SLC2A13: variants seen among roughly 807,000 people sequenced by gnomAD.
The protein encoded by SLC2A13 is proton myo-inositol cotransporter.
SLC2A13 carries 32 observed loss-of-function variants against 64.4 expected under a neutral mutation model. That is an observed-to-expected ratio of 0.50 (90% CI 0.37 to 0.67). The LOEUF is 0.67. Among genes scored for constraint, SLC2A13 ranks in the 30% least tolerant of loss-of-function variants. The probability of loss-of-function intolerance (pLI) is 0.00; values close to 1 mark genes in which losing one functional copy is unlikely to be tolerated. For synonymous variants in SLC2A13, 338 were observed against 327.1 expected (o/e 1.03, Z -0.36); for missense variants, 743 against 829.2 (o/e 0.90, Z 1.28).
chr12:40,071,186 C>T (rs958939794), intron 1 of SLC2A13, among the ~76,000 whole-genome samples: 1 of 152,158 alleles, frequency 6.6e-6, no homozygotes, highest in African/African-American at 2.4e-5. Context: ...CGTGTCTATT[C>T]TTTCACCACA....
intron 3 of SLC2A13, among the ~76,000 whole-genome samples, chr12:39,988,262 A>G (rs1418032912): frequency 6.6e-6 from 1 of 152,162 alleles, no homozygotes; most frequent in African/African-American, 2.4e-5. Flanking sequence ...AATAATGTGT[A>G]AAAGAGTAAT....
chr12:39,874,823 G>A (rs1592229815), intron 4 of SLC2A13, among the ~76,000 whole-genome samples: 1 of 152,134 alleles, frequency 6.6e-6, no homozygotes, highest in African/African-American at 2.4e-5. Context: ...AGAGCCAAGT[G>A]GGTGAACTGG....
chr12:40,019,808 G>C (rs1342332715), intron 3 of SLC2A13, among the ~76,000 whole-genome samples: 1 of 152,042 alleles, frequency 6.6e-6, no homozygotes, highest in Non-Finnish European at 1.5e-5. Flanking sequence ...AAAAATCCAG[G>C]GGAAAAACTG....
rs1358158430 is a variant in SLC2A13 at position 39,852,943 on chromosome 12, GTATT to G, written c.1319+11815_1319+11818del. Among the ~76,000 whole-genome samples the G allele has an allele frequency of 3.3e-5, 5 of 152,192 alleles. No individual in the cohort carries two copies. In the East Asian group the frequency reaches 9.6e-4, roughly 29 times the overall value. ...ATAGCCAATGGGAAACCTCTAGAGA[GTATT>G]TAAACCCAGAAAATTCTGTAACCAA... On this transcript the variant is annotated intron_variant, in intron 6 of 9. Coordinates refer to ENST00000280871, the MANE Select transcript of SLC2A13 (RefSeq NM_052885.4).
At chr12:40,019,362 T>G (rs77310056) in intron 3 of SLC2A13, among the ~76,000 whole-genome samples, 5 of 151,852 alleles carry the variant, frequency 3.3e-5, no homozygotes. Flanking sequence ...ATGCCTAATT[T>G]TTTTTTTTTT....
Position 39,988,215 on chromosome 12 carries a change from C to G in SLC2A13, c.926-36850G>C, listed in dbSNP as rs950318812. Reference sequence around the variant, plus strand: ...TATTTTTAACAGTGCTAAATTGCCACTTTAAAATGTTGTACCAATATAAGC... The same window carrying G: ...TATTTTTAACAGTGCTAAATTGCCAGTTTAAAATGTTGTACCAATATAAGC... On this transcript the variant is annotated intron_variant, in intron 3 of 9. Transcript: ENST00000280871. Among the ~76,000 whole-genome samples, 3 of 151,970 alleles carry G rather than the reference C, an allele frequency of 2.0e-5. No homozygotes were observed. The East Asian group carries it at 5.8e-4, about 29-fold the overall frequency.
intron 2 of SLC2A13, among the ~76,000 whole-genome samples, chr12:40,042,569 A>G (rs1331967210): frequency 6.6e-6 from 1 of 152,180 alleles, no homozygotes; most frequent in African/African-American, 2.4e-5. Context: ...ATCCCTCTGT[A>G]TAAATTAATA....
At chr12:39,869,906 C>T (rs1186967367) in intron 5 of SLC2A13, among the ~76,000 whole-genome samples, 1 of 152,188 alleles carries the variant, frequency 6.6e-6, no homozygotes, top group Admixed American at 6.5e-5. Context: ...AAATCCTATA[C>T]ATCTGTAAAT....
At position 39,875,572 on chromosome 12, in the gene SLC2A13, T is replaced by C. The variant is rs1420735224; in HGVS notation, c.1035-3611A>G. On this transcript the variant is annotated intron_variant, in intron 4 of 9. Coordinates refer to ENST00000280871, the MANE Select transcript of SLC2A13 (RefSeq NM_052885.4). ...ATTCTGGCTATCACAGTAAACGTAC[T>C]AATAAGCAGTAAAATAAGCAAAAGC... Among the ~76,000 whole-genome samples, 4 of 152,130 alleles carry C rather than the reference T, an allele frequency of 2.6e-5. No homozygotes were observed. In the East Asian group the frequency reaches 7.7e-4, roughly 29 times the overall value.
intron 7 of SLC2A13, among the ~76,000 whole-genome samples, chr12:39,812,328 CTAA>C (rs1942187547): frequency 7.8e-6 from 1 of 128,552 alleles, no homozygotes; most frequent in Non-Finnish European, 1.6e-5. Context: ...CACATTGGGA[CTAA>C]TTTCTTTTTT....
At chr12:39,824,163 T>A (rs1313549682) in intron 7 of SLC2A13, among the ~76,000 whole-genome samples, 1 of 152,242 alleles carries the variant, frequency 6.6e-6, no homozygotes, top group Non-Finnish European at 1.5e-5. Context: ...CACAGATGGC[T>A]ATCATATAAA....
chr12:40,050,354 C>T (rs1163104833), intron 1 of SLC2A13, among the ~76,000 whole-genome samples: 1 of 152,124 alleles, frequency 6.6e-6, no homozygotes, highest in African/African-American at 2.4e-5. Context: ...TCATAAAAAA[C>T]ACATAGATTT....
chr12:40,006,755 C>T (rs1178894756), intron 3 of SLC2A13, among the ~76,000 whole-genome samples: 1 of 152,220 alleles, frequency 6.6e-6, no homozygotes, highest in African/African-American at 2.4e-5. Flanking sequence ...CCCACCTGTT[C>T]ACTCAAGTCT....
At chr12:40,103,377 C>T (rs565501024) in intron 1 of SLC2A13, among the ~76,000 whole-genome samples, 1 of 152,312 alleles carries the variant, frequency 6.6e-6, no homozygotes, top group South Asian at 2.1e-4. Flanking sequence ...TGTACCCCCT[C>T]TGAATTCATC....
intron 3 of SLC2A13, among the ~76,000 whole-genome samples, chr12:39,969,620 A>G (rs1351723678): frequency 1.3e-5 from 2 of 152,162 alleles, no homozygotes; most frequent in Admixed American, 1.3e-4. Context: ...GTCTGTTCAT[A>G]TCCTTTGCCC....
chr12:40,039,146 A>G (rs1053621166), intron 2 of SLC2A13, among the ~76,000 whole-genome samples: 10 of 152,184 alleles, frequency 6.6e-5, no homozygotes, highest in Admixed American at 6.5e-4. Flanking sequence ...TTGTATCATT[A>G]TTATTTCGGA....
At chr12:39,962,870 G>T (rs1946439548) in intron 3 of SLC2A13, among the ~76,000 whole-genome samples, 1 of 152,050 alleles carries the variant, frequency 6.6e-6, no homozygotes, top group African/African-American at 2.4e-5. Flanking sequence ...TGAGCTCCAG[G>T]TGTTTTCATA....
intron 6 of SLC2A13, among the ~76,000 whole-genome samples, chr12:39,848,825 GGA>G: frequency 6.6e-6 from 1 of 152,182 alleles, no homozygotes; most frequent in Middle Eastern, 3.4e-3. Context: ...TATACACCAG[GGA>G]ATATTATGCA....
At chr12:39,890,391 G>A (rs1173356449) in intron 4 of SLC2A13, among the ~76,000 whole-genome samples, 1 of 152,144 alleles carries the variant, frequency 6.6e-6, no homozygotes, top group Non-Finnish European at 1.5e-5. Context: ...CCCTAAATAT[G>A]TGATATGTTA....
Sources: allele counts gnomAD v4.1 joint callset (sites outside exome capture counted in the v4.1 genomes callset), GRCh38; gene constraint gnomAD v4.1.1; transcripts MANE v1.5; gene names NCBI Gene and HGNC (gene_info 2026-07-23, HGNC 2026-07-21).